The following IL20RB variants were observed in gnomAD, a reference collection of about 807,000 sequenced individuals.
IL20RB encodes the protein interleukin 20 receptor subunit beta, also known as interleukin-20 receptor subunit beta.
Under a neutral mutation model 33.3 loss-of-function variants are expected in IL20RB, and 21 were observed. The ratio of observed to expected loss-of-function variants is 0.63; its 90% confidence interval spans 0.45 to 0.91. IL20RB has a LOEUF of 0.91. Among genes scored for constraint, IL20RB ranks in the 40% least tolerant of loss-of-function variants. IL20RB has a pLI of 0.00. For synonymous variants in IL20RB, 147 were observed against 146.8 expected (o/e 1.00, Z -0.01); for missense variants, 345 against 384.8 (o/e 0.90, Z 0.86).
chr3:137,001,986 C>A (rs1942253050), intron 6 of IL20RB, among the ~76,000 whole-genome samples: 1 of 152,170 alleles, frequency 6.6e-6, no homozygotes, highest in African/African-American at 2.4e-5. Flanking sequence ...CAAGTGATCT[C>A]ATTGTTCAAT....
In IL20RB at chr3:137,010,353, C is replaced by T. The variant is rs1933061881; in HGVS notation, c.*130C>T. On this transcript the variant is annotated 3_prime_UTR_variant, in exon 7 of 7. Transcript: ENST00000329582. The stretch of plus-strand genomic sequence containing the variant: ...AGAAGTAGGAAGAGCCTGTTGTCTA[C>T]AAGTCTAGAAGCAACCATCAGAGGC... 3.2e-6 allele frequency: 2 copies of T among 632,328 alleles called. No homozygotes were observed. The highest frequency in any genetic ancestry group is 2.7e-5 in the Admixed American group (1 of 36,770). The allele number at this position is 632,328 out of a possible 1,614,324, so 39.2% of individuals were successfully genotyped here.
chr3:136,969,652 G>A (rs1393569733), intron 1 of IL20RB, among the ~76,000 whole-genome samples: 1 of 151,742 alleles, frequency 6.6e-6, no homozygotes, highest in South Asian at 2.1e-4. Flanking sequence ...GAAATCACCC[G>A]TCTTCTGCGT....
At chr3:136,962,696 G>A (rs1025964261) in intron 1 of IL20RB, among the ~76,000 whole-genome samples, 17 of 150,456 alleles carry the variant, frequency 1.1e-4, no homozygotes, top group African/African-American at 3.9e-4. Flanking sequence ...AGGTTGCAGC[G>A]AGCCGAGATT....
At chr3:136,980,059 G>A (rs1487778956) in intron 1 of IL20RB, among the ~76,000 whole-genome samples, 1 of 152,116 alleles carries the variant, frequency 6.6e-6, no homozygotes, top group East Asian at 1.9e-4. Flanking sequence ...AAAAACTAAT[G>A]GTCTTTACCT....
chr3:136,999,520 A>G (rs1198754159), intron 6 of IL20RB, among the ~76,000 whole-genome samples: 1 of 149,144 alleles, frequency 6.7e-6, no homozygotes, highest in African/African-American at 2.5e-5. Context: ...GGCTTAACAG[A>G]TATGAGCCAC....
intron 1 of IL20RB, among the ~76,000 whole-genome samples, chr3:136,974,148 T>G (rs139610027): frequency 1.2e-3 from 179 of 152,314 alleles, no homozygotes; most frequent in African/African-American, 3.8e-3. Flanking sequence ...CTTTTTCTCC[T>G]ATTGTTCATT....
chr3:136,992,257 C>T (rs1420196203), intron 5 of IL20RB, among the ~76,000 whole-genome samples, 169 bp downstream of exon 5: 1 of 152,222 alleles, frequency 6.6e-6, no homozygotes, highest in Non-Finnish European at 1.5e-5. Context: ...GAATCTGATT[C>T]CCCTAGAGGC....
At chr3:136,999,181 C>T (rs759240488) in intron 6 of IL20RB, among the ~76,000 whole-genome samples, 1 of 152,056 alleles carries the variant, frequency 6.6e-6, no homozygotes, top group Non-Finnish European at 1.5e-5. Flanking sequence ...ACTGCAGCCT[C>T]GACCTTCTGG....
chr3:136,989,509 C>A lies in IL20RB; in HGVS notation c.475C>A (p.Leu159Met). ...CCACCTGGTTATTGAGCTGGAGGAC[C>A]TGGGGCCCCAGTTTGAGTTCCTTGT... The part of the protein sequence containing the change: ...GFHLVIELED[L>M]GPQFEFLVAY... The change falls in exon 4 of 7, where the codon CTG (leucine) becomes ATG (methionine). Residue 159 changes from leucine to methionine, a missense_variant. Coordinates refer to ENST00000329582, the MANE Select transcript of IL20RB (RefSeq NM_144717.4). The A allele has an allele frequency of 6.2e-7, 1 of 1,614,052 alleles. No homozygotes were observed. The highest frequency in any genetic ancestry group is 1.1e-5 in the South Asian group (1 of 91,072).
Position 137,010,545 on chromosome 3 carries a change from A to C in IL20RB, c.*322A>C, listed in dbSNP as rs539476546. ...AATTACCTACACACCTGCTAAACAC[A>C]CACACACAGAGTCTCTCTCTATATA... On this transcript the variant is annotated 3_prime_UTR_variant, in exon 7 of 7. Transcript: ENST00000329582. 1 of 249,322 alleles carries C rather than the reference A, an allele frequency of 4.0e-6. No homozygotes were observed. The highest frequency in any genetic ancestry group is 2.2e-5 in the African/African-American group (1 of 45,564). 15.4% of individuals were successfully genotyped at this position (249,322 alleles called of 1,614,324 possible). A position where few individuals can be genotyped will look rare whatever the true frequency, so the allele number is the denominator to read the frequency against.
Position 136,991,927 on chromosome 3 carries a change from G to T in IL20RB, c.532-11G>T, listed in dbSNP as rs776951896. On this transcript the variant is annotated splice_polypyrimidine_tract_variant and intron_variant, in intron 4 of 6. Coordinates refer to ENST00000329582, the MANE Select transcript of IL20RB (RefSeq NM_144717.4). Reference sequence around the variant, plus strand: ...ACTTGGCCAATAACTGTGTTTTCTGGTCTGTCAAAGGAACATGTCAAAATG... The same window carrying T: ...ACTTGGCCAATAACTGTGTTTTCTGTTCTGTCAAAGGAACATGTCAAAATG... The T allele has an allele frequency of 1.2e-6, 2 of 1,612,606 alleles. No individual in the cohort carries two copies. The highest frequency in any genetic ancestry group is 8.5e-7 in the Non-Finnish European group (1 of 1,178,946).
intron 6 of IL20RB, among the ~76,000 whole-genome samples, chr3:137,008,435 A>G (rs1020626224): frequency 6.6e-6 from 1 of 152,232 alleles, no homozygotes; most frequent in African/African-American, 2.4e-5. Flanking sequence ...CAAGTTTTAA[A>G]TGAGAAGCCC....
intron 1 of IL20RB, among the ~76,000 whole-genome samples, chr3:136,971,923 T>C (rs1375488267): frequency 6.6e-6 from 1 of 152,210 alleles, no homozygotes; most frequent in Non-Finnish European, 1.5e-5. Context: ...CTGTTTTCCA[T>C]AGTGGCTGTA....
intron 1 of IL20RB, among the ~76,000 whole-genome samples, chr3:136,972,972 C>T (rs1182773787): frequency 6.6e-6 from 1 of 152,014 alleles, no homozygotes; most frequent in African/African-American, 2.4e-5. Context: ...ATATATCCCA[C>T]AGATTTTGCT....
chr3:136,977,106 T>C (rs868137349), intron 1 of IL20RB, among the ~76,000 whole-genome samples: 52 of 152,344 alleles, frequency 3.4e-4, no homozygotes, highest in African/African-American at 1.2e-3. Context: ...AGTGTTTTCT[T>C]TTGGATAATG....
At chr3:136,987,878 C>A (rs986159137) in intron 3 of IL20RB, among the ~76,000 whole-genome samples, 2 of 152,188 alleles carry the variant, frequency 1.3e-5, no homozygotes, top group Admixed American at 1.3e-4. Flanking sequence ...CCGGCTGCTC[C>A]GAGTGCGGGG....
chr3:136,959,287 T>G (rs1941131583), intron 1 of IL20RB: 1 of 152,218 alleles, frequency 6.6e-6, no homozygotes, highest in African/African-American at 2.4e-5. Flanking sequence ...CTCCTGGCCT[T>G]TATTGTTATA....
At chr3:136,966,546 C>A (rs1941355871) in intron 1 of IL20RB, among the ~76,000 whole-genome samples, 1 of 87,160 alleles carries the variant, frequency 1.1e-5, no homozygotes, top group African/African-American at 4.7e-5. Flanking sequence ...GGTGATATCC[C>A]CTTTATCATT....
chr3:136,987,910 C>G (rs888666337), intron 3 of IL20RB, among the ~76,000 whole-genome samples: 2 of 152,204 alleles, frequency 1.3e-5, no homozygotes, highest in African/African-American at 4.8e-5. Context: ...CACGCCCACC[C>G]GGAACTCCAG....
Sources: allele counts gnomAD v4.1 joint callset (sites outside exome capture counted in the v4.1 genomes callset), GRCh38; gene constraint gnomAD v4.1.1; transcripts MANE v1.5; gene names NCBI Gene and HGNC (gene_info 2026-07-23, HGNC 2026-07-21).